FAM184B: variants seen among roughly 807,000 people sequenced by gnomAD.
The protein encoded by FAM184B is protein FAM184B.
FAM184B carries 111 observed loss-of-function variants against 135.9 expected under a neutral mutation model. The observed-to-expected ratio is 0.82, with a 90% CI of 0.70 to 0.96. FAM184B has a LOEUF of 0.96. Among genes scored for constraint, FAM184B ranks in the 40% least tolerant of loss-of-function variants. The pLI is 0.00. For synonymous variants in FAM184B, 552 were observed against 524.8 expected (o/e 1.05, Z -0.71); for missense variants, 1,375 against 1,323.9 (o/e 1.04, Z -0.60).
At chr4:17,692,989 G>T (rs554458555) in intron 6 of FAM184B, among the ~76,000 whole-genome samples, 2 of 146,646 alleles carry the variant, frequency 1.4e-5, no homozygotes, top group African/African-American at 5.0e-5. Context: ...AGCCCACAAA[G>T]GGGCGAATGT....
At chr4:17,645,969 A>G (rs1715457428) in intron 12 of FAM184B, among the ~76,000 whole-genome samples, 1 of 152,248 alleles carries the variant, frequency 6.6e-6, no homozygotes, top group South Asian at 2.1e-4. Context: ...CAAAAGACAC[A>G]TGAAAAAAAT....
chr4:17,661,575 T>C (rs1460689822), intron 8 of FAM184B, among the ~76,000 whole-genome samples: 2 of 152,098 alleles, frequency 1.3e-5, no homozygotes, highest in Admixed American at 6.6e-5. Context: ...CAAATAAAAC[T>C]GTACATATTA....
intron 5 of FAM184B, among the ~76,000 whole-genome samples, chr4:17,694,579 G>A (rs530520254): frequency 1.3e-5 from 2 of 151,982 alleles, no homozygotes; most frequent in Non-Finnish European, 2.9e-5. Flanking sequence ...CTTAATTTCT[G>A]TGGAAATTGT....
intron 1 of FAM184B, among the ~76,000 whole-genome samples, chr4:17,733,366 T>C (rs201038866): frequency 6.6e-6 from 1 of 152,098 alleles, no homozygotes; most frequent in East Asian, 1.9e-4. Flanking sequence ...GAAAGGGTAT[T>C]CAATTAGGAA....
chr4:17,776,354 A>G (rs990671636), intron 1 of FAM184B, among the ~76,000 whole-genome samples: 1 of 152,226 alleles, frequency 6.6e-6, no homozygotes, highest in Non-Finnish European at 1.5e-5. Flanking sequence ...AAATGGATGG[A>G]TAAGTAAATG....
At chr4:17,693,953 AAAAC>A (rs1261118444) in intron 5 of FAM184B, among the ~76,000 whole-genome samples, 1 of 151,992 alleles carries the variant, frequency 6.6e-6, no homozygotes, top group African/African-American at 2.4e-5. Context: ...CTCTATTTTA[AAAAC>A]AAATACATAA....
chr4:17,743,327 A>G (rs1718088362), intron 1 of FAM184B, among the ~76,000 whole-genome samples: 1 of 152,238 alleles, frequency 6.6e-6, no homozygotes, highest in Non-Finnish European at 1.5e-5. Flanking sequence ...CAGCCACCGA[A>G]GAATTTAGAT....
intron 7 of FAM184B, among the ~76,000 whole-genome samples, chr4:17,674,508 A>G (rs1213363104): frequency 6.6e-6 from 1 of 152,174 alleles, no homozygotes; most frequent in East Asian, 1.9e-4. Context: ...CAGAATGGTC[A>G]TTGCTGAAGG....
At chr4:17,778,575 A>C (rs1718975205) in intron 1 of FAM184B, among the ~76,000 whole-genome samples, 1 of 152,226 alleles carries the variant, frequency 6.6e-6, no homozygotes, top group South Asian at 2.1e-4. Flanking sequence ...AGAAGTAAAA[A>C]CAGATTGAAT....
chr4:17,636,853 C>G (rs1715155879), intron 14 of FAM184B, among the ~76,000 whole-genome samples: 1 of 152,072 alleles, frequency 6.6e-6, no homozygotes, highest in African/African-American at 2.4e-5. Context: ...GGCTGCAGGG[C>G]CAGGAAGCAA....
rs1384752630 is a variant in FAM184B, at chr4:17,733,439, G to A, written c.142-23795C>T. 1.5e-4 allele frequency among the ~76,000 whole-genome samples: 23 copies of A among 152,284 alleles called. 1 individual carries two copies. Among genetic ancestry groups the A allele is most frequent in the African/African-American group, 4.8e-4 (20 of 41,560 alleles). On this transcript the variant is annotated intron_variant, in intron 1 of 17. Coordinates refer to ENST00000265018, the MANE Select transcript of FAM184B (RefSeq NM_015688.2). ...GATTGTATATCTAGAAATCCCCATC[G>A]TCTCAGCCCAAAATCTCCTTAAGCT... is the stretch of plus-strand genomic sequence containing the variant.
intron 1 of FAM184B, among the ~76,000 whole-genome samples, chr4:17,744,399 G>A (rs1718110946): frequency 6.6e-6 from 1 of 151,484 alleles, no homozygotes; most frequent in Non-Finnish European, 1.5e-5. Context: ...AAGGCGCGAG[G>A]CAGGCCTTGG....
intron 1 of FAM184B, among the ~76,000 whole-genome samples, chr4:17,752,569 T>A (rs1439554423): frequency 6.6e-6 from 1 of 152,152 alleles, no homozygotes; most frequent in Admixed American, 6.5e-5. Context: ...CAGGCCACAT[T>A]CCCTTCTTGC....
Position 17,709,435 on chromosome 4 carries a change from C to G in FAM184B, c.351G>C (p.Glu117Asp). 6.6e-7 allele frequency: 1 copy of G among 1,520,860 alleles called. No homozygotes were observed. 94.2% of individuals were successfully genotyped at this position (1,520,860 alleles called of 1,614,324 possible). ...ALELQKRLTE[E>D]ALAESASCRL... ...TGCACGAGGCCGACTCAGCCAGCGC[C>G]TCCTCCGTCAGCCTCTTTTGCAGCT... Residue 117 changes from glutamate (E) to aspartate (D), a missense_variant, in exon 2 of 18, where the codon GAG (glutamate) becomes GAC (aspartate). Coordinates refer to ENST00000265018, the MANE Select transcript of FAM184B (RefSeq NM_015688.2).
intron 1 of FAM184B, among the ~76,000 whole-genome samples, chr4:17,775,527 C>T (rs1208433185): frequency 6.6e-6 from 1 of 152,196 alleles, no homozygotes; most frequent in African/African-American, 2.4e-5. Flanking sequence ...CAGTCAACTC[C>T]AGTAAACTTA....
intron 1 of FAM184B, among the ~76,000 whole-genome samples, chr4:17,720,753 G>A (rs1717504432): frequency 6.6e-6 from 1 of 151,690 alleles, no homozygotes; most frequent in Non-Finnish European, 1.5e-5. Flanking sequence ...GGGTGTGGTG[G>A]TGCACCCCTG....
chr4:17,644,352 C>T (rs1300477763), intron 12 of FAM184B, among the ~76,000 whole-genome samples: 1 of 152,166 alleles, frequency 6.6e-6, no homozygotes, highest in African/African-American at 2.4e-5. Flanking sequence ...GACTGGCAAA[C>T]CAAATCCAGC....
At chr4:17,755,060 T>C (rs1222990700) in intron 1 of FAM184B, among the ~76,000 whole-genome samples, 3 of 152,028 alleles carry the variant, frequency 2.0e-5, no homozygotes, top group Non-Finnish European at 4.4e-5. Flanking sequence ...GGGGTCTTGC[T>C]GTGTTTCCCA....
intron 1 of FAM184B, among the ~76,000 whole-genome samples, chr4:17,727,780 A>G (rs1717676210): frequency 6.6e-6 from 1 of 152,162 alleles, no homozygotes. Flanking sequence ...ATTACAATTC[A>G]AGATAAGATT....
Sources: gnomAD v4.1 joint callset for allele counts (sites outside exome capture counted in the v4.1 genomes callset) on GRCh38, gnomAD v4.1.1 for gene constraint, MANE v1.5 for transcripts, NCBI Gene and HGNC (gene_info 2026-07-23, HGNC 2026-07-21) for gene names.